Variants in PRKG1 observed in about 807,000 individuals in gnomAD.
The protein encoded by PRKG1 is protein kinase cGMP-dependent 1.
A neutral mutation model predicts 88.1 loss-of-function variants in PRKG1; 35 were observed. That is an observed-to-expected ratio of 0.40 (90% CI 0.30 to 0.53). The LOEUF is 0.53. Among genes scored for constraint, PRKG1 ranks in the 20% least tolerant of loss-of-function variants. The pLI, the probability that PRKG1 is intolerant of heterozygous loss-of-function variation, is 0.59. For missense variants in PRKG1, 540 were observed against 839.8 expected, an observed-to-expected ratio of 0.64 and a Z score of 4.41; for synonymous variants, 303 against 292.5, an observed-to-expected ratio of 1.04 and a Z score of -0.37.
chr10:51,235,938 T>C (rs1589267318), intron 2 of PRKG1, among the ~76,000 whole-genome samples: 1 of 152,276 alleles, frequency 6.6e-6, no homozygotes, highest in Non-Finnish European at 1.5e-5. Context: ...TCAGTGGTTC[T>C]CAAATTTTGA....
At chr10:52,042,879 T>TA (rs1564444416) in intron 5 of PRKG1, among the ~76,000 whole-genome samples, 2 of 151,902 alleles carry the variant, frequency 1.3e-5, no homozygotes, top group South Asian at 2.1e-4. Flanking sequence ...CCAACAGCAA[T>TA]AAAAAAACAA....
intron 3 of PRKG1, among the ~76,000 whole-genome samples, chr10:51,601,311 A>G (rs547141940): frequency 3.3e-5 from 5 of 152,304 alleles, no homozygotes; most frequent in South Asian, 2.1e-4. Context: ...TTGTCAAGGA[A>G]TAGTTTGAAA....
intron 3 of PRKG1, among the ~76,000 whole-genome samples, chr10:51,725,685 G>A (rs1332843491): frequency 6.6e-6 from 1 of 151,468 alleles, no homozygotes; most frequent in Non-Finnish European, 1.5e-5. Context: ...CCAGGCTAGA[G>A]TACAGTGGCA....
At chr10:51,661,267 C>CA (rs1840292646) in intron 3 of PRKG1, among the ~76,000 whole-genome samples, 1 of 152,024 alleles carries the variant, frequency 6.6e-6, no homozygotes, top group South Asian at 2.1e-4. Flanking sequence ...ACAGTTGATC[C>CA]AAAAACCATT....
At chr10:51,177,793 C>A (rs780955028) in intron 2 of PRKG1, among the ~76,000 whole-genome samples, 1 of 151,370 alleles carries the variant, frequency 6.6e-6, no homozygotes, top group African/African-American at 2.4e-5. Flanking sequence ...TAAATTTAAC[C>A]TAATTAATGT....
chr10:51,517,021 GA>G (rs900683850), intron 3 of PRKG1, among the ~76,000 whole-genome samples: 1 of 152,160 alleles, frequency 6.6e-6, no homozygotes, highest in East Asian at 1.9e-4. Context: ...TTGTAAGGTG[GA>G]AAAAAATACT....
At chr10:51,693,287 C>CAAA (rs762828746) in intron 3 of PRKG1, among the ~76,000 whole-genome samples, 6 of 70,582 alleles carry the variant, frequency 8.5e-5, no homozygotes, top group African/African-American at 1.3e-4. Context: ...GACACCACCT[C>CAAA]AAAAAAAAAA....
At chr10:52,139,710 G>A (rs1837524496) in intron 8 of PRKG1, among the ~76,000 whole-genome samples, 1 of 152,002 alleles carries the variant, frequency 6.6e-6, no homozygotes, top group Non-Finnish European at 1.5e-5. Context: ...TGGGATTGGG[G>A]GGTAAAGCTC....
rs116798477 is a variant in PRKG1, at chr10:51,015,603, G to A, written c.266+23959G>A. 2.4e-3 allele frequency among the ~76,000 whole-genome samples: 372 copies of A among 152,218 alleles called. 2 individuals are homozygous for A. The highest frequency in any genetic ancestry group is 8.7e-3 in the African/African-American group (363 of 41,562). On this transcript the variant is annotated intron_variant, in intron 1 of 17. Transcript: ENST00000401604. The stretch of plus-strand genomic sequence containing the variant: ...TAGAAGCTCATAGAAATGCATAGAG[G>A]AGGCTGGGCTTGGTAGCTCATGCCT...
intron 2 of PRKG1, among the ~76,000 whole-genome samples, chr10:51,447,974 G>A (rs1223226761): frequency 6.6e-6 from 1 of 151,942 alleles, no homozygotes; most frequent in Non-Finnish European, 1.5e-5. Flanking sequence ...ATTTTTGAGG[G>A]AATTATATCT....
intron 3 of PRKG1, among the ~76,000 whole-genome samples, chr10:51,773,409 C>G (rs116760326): frequency 0.01 from 1,578 of 152,032 alleles, 39 homozygotes; most frequent in African/African-American, 0.036. Context: ...AGCTTTAGTT[C>G]CTGTAACTGC....
At chr10:51,676,035 C>T (rs746635687) in intron 3 of PRKG1, among the ~76,000 whole-genome samples, 6 of 150,804 alleles carry the variant, frequency 4.0e-5, no homozygotes, top group African/African-American at 7.3e-5. Flanking sequence ...TTTGAGAGGC[C>T]AAAACAGGAG....
chr10:51,917,257 T>C (rs1842361993), intron 5 of PRKG1, among the ~76,000 whole-genome samples: 1 of 147,948 alleles, frequency 6.8e-6, no homozygotes, highest in African/African-American at 2.5e-5. Context: ...AGACAGAGGT[T>C]GCAGCGGGCC....
At chr10:52,124,974 C>G (rs868643829) in intron 7 of PRKG1, among the ~76,000 whole-genome samples, 2 of 151,932 alleles carry the variant, frequency 1.3e-5, no homozygotes, top group African/African-American at 4.8e-5. Context: ...ATAACAATGC[C>G]TTTTTCTGGA....
chr10:52,012,199 G>A (rs979752445), intron 5 of PRKG1, among the ~76,000 whole-genome samples: 1 of 148,938 alleles, frequency 6.7e-6, no homozygotes. Flanking sequence ...TTGGACTATT[G>A]CACAGTTTTG....
chr10:51,223,247 A>G (rs1364127377), intron 2 of PRKG1, among the ~76,000 whole-genome samples: 1 of 152,128 alleles, frequency 6.6e-6, no homozygotes, highest in African/African-American at 2.4e-5. Context: ...GTTTCAAGCA[A>G]TCTAGGAAAA....
intron 3 of PRKG1, among the ~76,000 whole-genome samples, chr10:51,492,211 A>T (rs55675012): frequency 6.6e-6 from 1 of 152,150 alleles, no homozygotes; most frequent in Non-Finnish European, 1.5e-5. Flanking sequence ...CACTGGTCCA[A>T]CTTGAACAAA....
chr10:51,755,994 A>G (rs949169378), intron 3 of PRKG1, among the ~76,000 whole-genome samples: 3 of 152,230 alleles, frequency 2.0e-5, no homozygotes, highest in Admixed American at 6.5e-5. Context: ...ATTTAAAGCA[A>G]GTTCAATCAT....
chr10:51,213,078 G>A (rs537292440), intron 2 of PRKG1, among the ~76,000 whole-genome samples: 3,070 of 152,174 alleles, frequency 0.02, 44 homozygotes, highest in Middle Eastern at 0.051. Flanking sequence ...ATGTCCAACA[G>A]TGATAGACTG....
Sources: gnomAD v4.1 joint callset for allele counts (sites outside exome capture counted in the v4.1 genomes callset) on GRCh38, gnomAD v4.1.1 for gene constraint, MANE v1.5 for transcripts, NCBI Gene and HGNC (gene_info 2026-07-23, HGNC 2026-07-21) for gene names.